Variants in ETV3 observed in about 807,000 individuals in gnomAD.
ETV3 encodes the protein ETS variant transcription factor 3.
ETV3 carries 8 observed loss-of-function variants against 33.0 expected under a neutral mutation model. The ratio of observed to expected loss-of-function variants is 0.24; its 90% CI spans 0.14 to 0.44. The LOEUF (loss-of-function observed/expected upper bound fraction) is 0.44, where lower values mean the gene tolerates loss of function less well. Ranked by LOEUF, ETV3 falls within the 20% of genes least tolerant of loss-of-function variation. The probability of loss-of-function intolerance (pLI) is 1.00; values close to 1 mark genes in which losing one functional copy is unlikely to be tolerated. For missense variants in ETV3, 473 were observed against 652.3 expected, an observed-to-expected ratio of 0.73 and a Z score of 2.99; for synonymous variants, 222 against 238.9, an observed-to-expected ratio of 0.93 and a Z score of 0.65.
rs1171402061 is a variant in ETV3 at position 157,125,342 on chromosome 1, C to A, written c.1038G>T (p.Leu346=). The change falls in exon 5 of 5, where the codon CTG becomes CTT. Residue 346 remains leucine, a synonymous_variant. Coordinates refer to ENST00000368192, the MANE Select transcript of ETV3 (RefSeq NM_001145312.3). This position sits in a 1 kb window ranked among gnomAD's most constrained non-coding sequence, Gnocchi z 4.0. The part of the protein sequence containing the change: ...PEESTQFSIK[L]QPPPVGRKNR... ...TCTTCCGCCCAACTGGTGGGGGCTGCAGCTTGATGGAGAACTGAGTTGACT... is the reference window on the plus strand; with the variant it reads ...TCTTCCGCCCAACTGGTGGGGGCTGAAGCTTGATGGAGAACTGAGTTGACT... 1 of 1,551,834 alleles carries A rather than the reference C, an allele frequency of 6.4e-7. No individual in the cohort carries two copies. Among genetic ancestry groups the A allele is most frequent in the Non-Finnish European group, 8.7e-7 (1 of 1,147,072 alleles).
Position 157,125,664 on chromosome 1 carries a change from A to C in ETV3, c.716T>G (p.Met239Arg), listed in dbSNP as rs1015024707. ...IMLPLFARPG[M>R]YPDPHSPFAV... ...GAAGGGACTGTGGGGGTCAGGGTAC[A>C]TCCCTGGCCTAGCAAACAGAGGAAG... Residue 239 changes from methionine (M) to arginine (R), a missense_variant, in exon 5 of 5, where the codon ATG becomes AGG. By Grantham distance (91) the Met-to-Arg change is moderately conservative (BLOSUM62 -1). Around this residue, in one of 3 missense-constraint regions of ETV3, gnomAD observed 410 missense variants for 520.2 expected, o/e 0.79. Transcript: ENST00000368192. This position sits in a 1 kb window ranked among gnomAD's most constrained non-coding sequence, Gnocchi z 4.0. 1.9e-6 allele frequency: 3 copies of C among 1,551,644 alleles called. No individual in the cohort carries two copies. The highest frequency in any genetic ancestry group is 2.0e-5 in the Admixed American group (1 of 51,004).
At chr1:157,133,804 A>G (rs1675028884) in intron 4 of ETV3, 1 of 1,107,694 alleles carries the variant, frequency 9.0e-7, no homozygotes, top group Non-Finnish European at 1.1e-6. Context: ...TCCTGAACGT[A>G]AAGATCATCA....
chr1:157,125,684 A>C lies in ETV3; in HGVS notation c.696T>G (p.Pro232=). 6.4e-7 allele frequency: 1 copy of C among 1,551,662 alleles called. No individual in the cohort carries two copies. Among genetic ancestry groups the C allele is most frequent in the East Asian group, 2.4e-5 (1 of 40,918 alleles). ...GGTACATCCCTGGCCTAGCAAACAG[A>C]GGAAGCATTATGTCAGGCTTGCGTT... The part of the protein sequence containing the change: ...HQKRKPDIML[P]LFARPGMYPD... Residue 232 remains proline (P), a synonymous_variant, in exon 5 of 5, where the codon CCT becomes CCG. Transcript: ENST00000368192. This position sits in a 1 kb window ranked among gnomAD's most constrained non-coding sequence, Gnocchi z 4.0.
intron 4 of ETV3, chr1:157,133,063 C>T (rs1675005944): frequency 6.6e-6 from 1 of 152,198 alleles, no homozygotes; most frequent in Non-Finnish European, 1.5e-5. Flanking sequence ...TACAGTAGTC[C>T]TTTCTTATCT....
rs528819759 is a variant in ETV3, at chr1:157,134,785, C to T, written c.285-558G>A. ...AGACTCAAAGGGATGTGAAAGAATA[C>T]AGCAAAGCCACTGTACAGAGTTTAC... On this transcript the variant is annotated intron_variant, in intron 3 of 4. Transcript: ENST00000368192. Among the ~76,000 whole-genome samples the T allele has an allele frequency of 6.6e-5, 10 of 152,326 alleles. No individual in the cohort carries two copies. In the South Asian group the frequency reaches 2.1e-3, roughly 32 times the overall value.
At chr1:157,133,371 G>A (rs1480775374) in intron 4 of ETV3, 7 of 984,456 alleles carry the variant, frequency 7.1e-6, no homozygotes, top group Admixed American at 6.2e-5. Flanking sequence ...GCTCAGATAA[G>A]GGGAACTACT....
At position 157,132,547 on chromosome 1, in the gene ETV3, T is replaced by G. The variant is rs549426106; in HGVS notation, c.400+1565A>C. 3.3e-5 allele frequency among the ~76,000 whole-genome samples: 5 copies of G among 152,200 alleles called. No individual in the cohort carries two copies. The East Asian group carries it at 9.7e-4, about 29-fold the overall frequency. ...TTTTTGGGAGTGGGGTGAAGGGGTA[T>G]GAAAACCAACAAATTCTTTAAAATT... On this transcript the variant is annotated intron_variant, in intron 4 of 4. Transcript: ENST00000368192.
chr1:157,138,141 T>TG (rs1157963024), intron 1 of ETV3, among the ~76,000 whole-genome samples, 175 bp downstream of exon 1: 2 of 152,166 alleles, frequency 1.3e-5, no homozygotes, highest in African/African-American at 4.8e-5. Context: ...CCTGGGTCCC[T>TG]GTCGCCCCTC....
chr1:157,134,070 CA>C, intron 4 of ETV3, 41 bp downstream of exon 4: 1 of 1,589,326 alleles, frequency 6.3e-7, no homozygotes, highest in Non-Finnish European at 8.5e-7. Flanking sequence ...AAATTCTTTT[CA>C]ATTCAAAATT....
chr1:157,136,402 T>C (rs1424118014), intron 1 of ETV3, 37 bp from the exon 2 acceptor site: 2 of 1,571,786 alleles, frequency 1.3e-6, no homozygotes, highest in Non-Finnish European at 1.7e-6. Context: ...TTTAAGATGC[T>C]ATTTATTTAG....
At chr1:157,136,281 A>C (rs1472965732) in intron 2 of ETV3, 26 bp downstream of exon 2, 1 of 1,610,608 alleles carries the variant, frequency 6.2e-7, no homozygotes, top group Non-Finnish European at 8.5e-7. Flanking sequence ...TTCCAGGTAC[A>C]TCAGAGATGA....
At chr1:157,137,512 ACAC>A (rs1675147202) in intron 1 of ETV3, among the ~76,000 whole-genome samples, 1 of 35,750 alleles carries the variant, frequency 2.8e-5, no homozygotes, top group Non-Finnish European at 4.5e-5. Flanking sequence ...AAGGAAAAAC[ACAC>A]ACACACACAC....
chr1:157,129,316 TA>T (rs1674918459), intron 4 of ETV3, among the ~76,000 whole-genome samples: 1 of 152,238 alleles, frequency 6.6e-6, no homozygotes, highest in Admixed American at 6.5e-5. Context: ...TTAAAAATAG[TA>T]GCAAGTTAAA....
At chr1:157,134,427 G>A (rs555714183) in intron 3 of ETV3, among the ~76,000 whole-genome samples, 200 bp from the exon 4 acceptor site, 2 of 152,266 alleles carry the variant, frequency 1.3e-5, no homozygotes, top group Admixed American at 6.5e-5. Flanking sequence ...AACTCAGCTC[G>A]TTTTTGCCTA....
At chr1:157,131,587 G>A (rs1401181705) in intron 4 of ETV3, among the ~76,000 whole-genome samples, 2 of 152,138 alleles carry the variant, frequency 1.3e-5, no homozygotes, top group African/African-American at 2.4e-5. Context: ...TCAACAGCTC[G>A]ATCTCTCAGG....
At chr1:157,132,376 G>C (rs1354969252) in intron 4 of ETV3, among the ~76,000 whole-genome samples, 1 of 152,226 alleles carries the variant, frequency 6.6e-6, no homozygotes, top group African/African-American at 2.4e-5. Context: ...CACAGAGTGA[G>C]GATCCAGGTT....
At position 157,125,425 on chromosome 1, in the gene ETV3, A is replaced by G. The variant is rs371717247; in HGVS notation, c.955T>C (p.Phe319Leu). 25 of 1,552,082 alleles carry G rather than the reference A, an allele frequency of 1.6e-5. No homozygotes were observed. Among genetic ancestry groups the G allele is most frequent in the Non-Finnish European group, 2.2e-5 (25 of 1,147,114 alleles). Residue 319 changes from phenylalanine to leucine, a missense_variant, in exon 5 of 5, where the codon TTT becomes CTT. Around this residue, in one of 3 missense-constraint regions of ETV3, gnomAD observed 410 missense variants for 520.2 expected, o/e 0.79. Coordinates refer to ENST00000368192, the MANE Select transcript of ETV3 (RefSeq NM_001145312.3). This position sits in a 1 kb window ranked among gnomAD's most constrained non-coding sequence, Gnocchi z 4.0. ...VFNYHLSPRT[F>L]PRYPGLMVPP... Reference sequence around the variant, plus strand: ...ACCATGAGCCCTGGGTAACGGGGAAAAGTCCGAGGACTCAGATGGTAGTTG... The same window carrying G: ...ACCATGAGCCCTGGGTAACGGGGAAGAGTCCGAGGACTCAGATGGTAGTTG...
In ETV3 at chr1:157,136,413, T is replaced by A. The variant is rs1292082719; in HGVS notation, c.-13-48A>T. 5 of 1,541,596 alleles carry A rather than the reference T, an allele frequency of 3.2e-6. No homozygotes were observed. In the African/African-American group the frequency reaches 5.6e-5, roughly 17 times the overall value. ...TTACTTTAAGATGCTATTTATTTAG[T>A]ATCCTCTCAAAAGTTTTCTGGCAGT... is the stretch of plus-strand genomic sequence containing the variant. On this transcript the variant is annotated intron_variant, in intron 1 of 4. Coordinates refer to ENST00000368192, the MANE Select transcript of ETV3 (RefSeq NM_001145312.3).
Position 157,124,709 on chromosome 1 carries a change from T to A in ETV3, c.*132A>T. 1.0e-6 allele frequency: 1 copy of A among 958,164 alleles called. No individual in the cohort carries two copies. The highest frequency in any genetic ancestry group is 1.9e-5 in the South Asian group (1 of 53,248). 59.4% of individuals were successfully genotyped at this position (958,164 alleles called of 1,614,324 possible). A position where few individuals can be genotyped will look rare whatever the true frequency, so the allele number is the denominator to read the frequency against. On this transcript the variant is annotated 3_prime_UTR_variant, in exon 5 of 5. Coordinates refer to ENST00000368192, the MANE Select transcript of ETV3 (RefSeq NM_001145312.3). ...ATAACCCCATCCCATCCCCAAAACA[T>A]AAAAATACAAGTCTATGCCCCTAGA...
Sources: allele counts gnomAD v4.1 joint callset (sites outside exome capture counted in the v4.1 genomes callset), GRCh38; gene constraint gnomAD v4.1.1; regional missense constraint gnomAD v4.1.1; non-coding constraint Gnocchi (gnomAD v3.1); transcripts MANE v1.5; gene names NCBI Gene and HGNC (gene_info 2026-07-23, HGNC 2026-07-21).